The following MMP26 variants were observed in gnomAD, a reference collection of about 807,000 sequenced individuals.
MMP26 encodes matrix metalloproteinase-26.
Under a neutral mutation model 31.0 loss-of-function variants are expected in MMP26, and 33 were observed. The observed-to-expected ratio is 1.06, with a 90% confidence interval of 0.81 to 1.42. MMP26 has a LOEUF of 1.42. Among genes scored for constraint, MMP26 ranks in the 40% most tolerant of loss-of-function variants. MMP26 has a pLI of 0.00. For synonymous variants in MMP26, 122 were observed against 114.9 expected (o/e 1.06, Z -0.40); for missense variants, 347 against 316.1 (o/e 1.10, Z -0.74).
chr11:4,943,196 C>T (rs748603446), intron 2 of MMP26: 48 of 181,182 alleles, frequency 2.6e-4, no homozygotes, highest in East Asian at 1.3e-3. Flanking sequence ...TGAAACACAG[C>T]GAAACAATAA....
chr11:4,783,951 T>C (rs1435683725), intron 2 of MMP26, among the ~76,000 whole-genome samples: 8 of 152,238 alleles, frequency 5.3e-5, no homozygotes, highest in African/African-American at 1.9e-4. Context: ...CTTTCTTTTG[T>C]AAATTGCCCA....
chr11:4,810,207 A>T (rs1849331061), intron 2 of MMP26, among the ~76,000 whole-genome samples: 1 of 151,640 alleles, frequency 6.6e-6, no homozygotes, highest in African/African-American at 2.4e-5. Context: ...TTGAGATTGT[A>T]TGAATGTGAT....
chr11:4,931,706 A>T (rs531848553), intron 2 of MMP26, among the ~76,000 whole-genome samples: 2 of 152,188 alleles, frequency 1.3e-5, no homozygotes, highest in East Asian at 3.9e-4. Context: ...CTGAAGGTGC[A>T]GCAAGGTCTC....
intron 2 of MMP26, among the ~76,000 whole-genome samples, chr11:4,925,581 T>C (rs1203029309): frequency 6.6e-6 from 1 of 152,076 alleles, no homozygotes; most frequent in Non-Finnish European, 1.5e-5. Context: ...ACCGTGGGTA[T>C]GGAGAAAGTC....
chr11:4,956,526 A>G (rs1349781263), intron 2 of MMP26, among the ~76,000 whole-genome samples: 2 of 152,158 alleles, frequency 1.3e-5, no homozygotes, highest in South Asian at 2.1e-4. Context: ...AAAAGCTTGG[A>G]TATTTCTGAA....
intron 2 of MMP26, among the ~76,000 whole-genome samples, chr11:4,836,821 A>G (rs10400316): frequency 0.98 from 147,908 of 151,394 alleles, 72,460 homozygotes; most frequent in African/African-American, 1. Flanking sequence ...CACCATGCCC[A>G]GCTAATTTTT....
At chr11:4,951,465 T>C (rs1846372556) in intron 2 of MMP26, among the ~76,000 whole-genome samples, 1 of 125,278 alleles carries the variant, frequency 8.0e-6, no homozygotes, top group African/African-American at 2.7e-5. Context: ...TATCATTTAG[T>C]GATCATTTTT....
intron 2 of MMP26, among the ~76,000 whole-genome samples, chr11:4,920,872 G>A (rs1188957400): frequency 6.6e-6 from 1 of 152,122 alleles, no homozygotes; most frequent in Non-Finnish European, 1.5e-5. Flanking sequence ...CTTTAATTCA[G>A]AAAATAAAGT....
chr11:4,982,451 C>T (rs549142163), intron 2 of MMP26, among the ~76,000 whole-genome samples: 27 of 152,224 alleles, frequency 1.8e-4, no homozygotes, highest in African/African-American at 6.3e-4. Flanking sequence ...TACATGTTTA[C>T]GTCTGCCTGT....
At chr11:4,826,885 A>G (rs1257318653) in intron 2 of MMP26, among the ~76,000 whole-genome samples, 1 of 152,168 alleles carries the variant, frequency 6.6e-6, no homozygotes, top group East Asian at 1.9e-4. Context: ...TACTCAACCC[A>G]GGAAAATAAA....
chr11:4,744,298 C>G (rs565234159), intron 1 of MMP26, among the ~76,000 whole-genome samples: 1 of 152,250 alleles, frequency 6.6e-6, no homozygotes, highest in South Asian at 2.1e-4. Context: ...AAAATTTAAG[C>G]TGCCTTAAAT....
intron 2 of MMP26, among the ~76,000 whole-genome samples, chr11:4,955,985 G>C (rs1846438084): frequency 6.6e-6 from 1 of 152,218 alleles, no homozygotes; most frequent in East Asian, 1.9e-4. Flanking sequence ...AGAGAATCCA[G>C]GTTTAAATTT....
chr11:4,894,968 C>A (rs904186433), intron 2 of MMP26, among the ~76,000 whole-genome samples: 4 of 151,992 alleles, frequency 2.6e-5, no homozygotes, highest in African/African-American at 9.7e-5. Context: ...AGTAAAATAG[C>A]AAAATTACTT....
intron 2 of MMP26, among the ~76,000 whole-genome samples, chr11:4,770,168 T>C (rs2412436): frequency 0.19 from 28,232 of 152,150 alleles, 3,995 homozygotes; most frequent in African/African-American, 0.4. Flanking sequence ...GTCCATATGA[T>C]TTTATACATT....
At chr11:4,808,238 G>T (rs1363616049) in intron 2 of MMP26, among the ~76,000 whole-genome samples, 1 of 152,098 alleles carries the variant, frequency 6.6e-6, no homozygotes, top group Non-Finnish European at 1.5e-5. Context: ...TGACTTTGCA[G>T]CCAGTGCTCT....
Position 4,990,585 on chromosome 11 carries a change from T to C in MMP26, c.321-13T>C, listed in dbSNP as rs1359871784. The C allele has an allele frequency of 2.5e-6, 4 of 1,607,008 alleles. No homozygotes were observed. The highest frequency in any genetic ancestry group is 1.3e-5 in the African/African-American group (1 of 74,772). On this transcript the variant is annotated splice_polypyrimidine_tract_variant and intron_variant, in intron 4 of 7. Transcript: ENST00000380390. ...TCCTCTGAACTATTTCATTTAGAGA[T>C]TGCTTTCCTCAGGATTATCAATTAC...
intron 2 of MMP26, among the ~76,000 whole-genome samples, chr11:4,774,985 A>G (rs965071377): frequency 6.6e-6 from 1 of 152,082 alleles, no homozygotes; most frequent in Non-Finnish European, 1.5e-5. Flanking sequence ...CCATTGGTCT[A>G]TGTGTCTGTT....
chr11:4,799,776 T>C (rs1849156771), intron 2 of MMP26, among the ~76,000 whole-genome samples: 1 of 152,216 alleles, frequency 6.6e-6, no homozygotes, highest in Non-Finnish European at 1.5e-5. Flanking sequence ...TGGTTAAATA[T>C]TCCCAATCCA....
intron 2 of MMP26, chr11:4,955,353 A>C (rs570403224): frequency 8.5e-7 from 1 of 1,181,744 alleles, no homozygotes; most frequent in African/African-American, 1.7e-5. Flanking sequence ...CTATCAAATG[A>C]CATGATCAGG....
Sources: gnomAD v4.1 joint callset for allele counts (sites outside exome capture counted in the v4.1 genomes callset) on GRCh38, gnomAD v4.1.1 for gene constraint, MANE v1.5 for transcripts, NCBI Gene and HGNC (gene_info 2026-07-23, HGNC 2026-07-21) for gene names.